Variants in ACAP2 observed in about 807,000 individuals in gnomAD.
The protein encoded by ACAP2 is arf-GAP with coiled-coil, ANK repeat and PH domain-containing protein 2.
Under a neutral mutation model 115.8 loss-of-function variants are expected in ACAP2, and 39 were observed. The observed-to-expected ratio is 0.34, with a 90% CI of 0.26 to 0.44. The LOEUF (loss-of-function observed/expected upper bound fraction) is 0.44, where lower values mean the gene tolerates loss of function less well. Among genes scored for constraint, ACAP2 ranks in the 20% least tolerant of loss-of-function variants. The probability of loss-of-function intolerance (pLI) is 1.00; values close to 1 mark genes in which losing one functional copy is unlikely to be tolerated. For missense variants in ACAP2, 662 were observed against 927.6 expected, an observed-to-expected ratio of 0.71 and a Z score of 3.72; for synonymous variants, 289 against 315.8, an observed-to-expected ratio of 0.92 and a Z score of 0.90.
chr3:195,372,390 C>T (rs543225161), intron 4 of ACAP2, among the ~76,000 whole-genome samples: 74 of 152,276 alleles, frequency 4.9e-4, no homozygotes, highest in Admixed American at 1.6e-3. Context: ...TGCGCTCAAG[C>T]TAACAGCAGA....
chr3:195,314,821 T>C (rs1020235426), intron 10 of ACAP2, among the ~76,000 whole-genome samples: 2 of 152,230 alleles, frequency 1.3e-5, no homozygotes, highest in African/African-American at 4.8e-5. Flanking sequence ...CAAAGTCCAG[T>C]AAAATAAATT....
chr3:195,408,011 G>C (rs1712935899), intron 1 of ACAP2, among the ~76,000 whole-genome samples: 1 of 152,044 alleles, frequency 6.6e-6, no homozygotes, highest in East Asian at 1.9e-4. Flanking sequence ...TTATAAGAGA[G>C]TACTATGAGC....
chr3:195,324,126 G>T (rs560464889), intron 9 of ACAP2, among the ~76,000 whole-genome samples: 1 of 152,218 alleles, frequency 6.6e-6, no homozygotes, highest in South Asian at 2.1e-4. Context: ...TAGGCAACCT[G>T]GTGGGAAAAT....
chr3:195,338,026 G>A (rs892510793), intron 6 of ACAP2, among the ~76,000 whole-genome samples: 2 of 149,424 alleles, frequency 1.3e-5, no homozygotes, highest in Non-Finnish European at 3.0e-5. Flanking sequence ...ATGATGTTCC[G>A]CCCAGATGGG....
At chr3:195,367,902 A>T (rs571451361) in intron 4 of ACAP2, among the ~76,000 whole-genome samples, 1 of 152,352 alleles carries the variant, frequency 6.6e-6, no homozygotes, top group East Asian at 1.9e-4. Context: ...AGCACCAACT[A>T]GAGCAGAAGT....
In ACAP2 at chr3:195,336,663, A is replaced by G. The variant is rs959466979; in HGVS notation, c.573+269T>C. 2.4e-5 allele frequency: 8 copies of G among 332,998 alleles called. No individual in the cohort carries two copies. In the Admixed American group the frequency reaches 3.1e-4, roughly 13 times the overall value. The allele number at this position is 332,998 out of a possible 1,614,324, so 20.6% of individuals were successfully genotyped here. A position where few individuals can be genotyped will look rare whatever the true frequency, so the allele number is the denominator to read the frequency against. On this transcript the variant is annotated intron_variant, in intron 7 of 22. Transcript: ENST00000326793. ...GGGCATCTAGTGCATGTAAAGCAAC[A>G]TATGAGGATAAAAGAAAACAAAAAC...
intron 1 of ACAP2, among the ~76,000 whole-genome samples, chr3:195,440,910 T>C (rs1443664912): frequency 6.6e-6 from 1 of 152,200 alleles, no homozygotes; most frequent in Non-Finnish European, 1.5e-5. Flanking sequence ...AATTGGAATA[T>C]GGGAAACAAC....
intron 10 of ACAP2, among the ~76,000 whole-genome samples, chr3:195,311,909 GAAAT>G (rs1397221795): frequency 6.6e-6 from 1 of 151,748 alleles, no homozygotes; most frequent in East Asian, 1.9e-4. Flanking sequence ...ATCTCAAATT[GAAAT>G]AACTCAATAT....
intron 4 of ACAP2, among the ~76,000 whole-genome samples, chr3:195,375,996 T>C (rs2108739887): frequency 6.6e-6 from 1 of 152,234 alleles, no homozygotes; most frequent in East Asian, 1.9e-4. Context: ...ATCTCTTAAA[T>C]TCTAGGAAAA....
chr3:195,385,481 G>A (rs576844716), intron 2 of ACAP2, among the ~76,000 whole-genome samples: 26 of 151,836 alleles, frequency 1.7e-4, no homozygotes, highest in African/African-American at 6.0e-4. Context: ...GAGGAGGTAA[G>A]GGGCTTGGAA....
In ACAP2 at chr3:195,306,400, C is replaced by G; in HGVS notation, c.1116+111G>C. 7.2e-6 allele frequency: 4 copies of G among 559,012 alleles called. No homozygotes were observed. In the South Asian group the frequency reaches 1.6e-4, roughly 22 times the overall value. 34.6% of individuals were successfully genotyped at this position (559,012 alleles called of 1,614,324 possible). A position where few individuals can be genotyped will look rare whatever the true frequency, so the allele number is the denominator to read the frequency against. ...AGATTTTAAAAATAAAACTCAATTA[C>G]ATAAAATCATCTTCCATAACAAACG... is the stretch of plus-strand genomic sequence containing the variant. On this transcript the variant is annotated intron_variant, in intron 13 of 22. Transcript: ENST00000326793.
At chr3:195,378,691 T>C (rs933479263) in intron 4 of ACAP2, among the ~76,000 whole-genome samples, 1 of 151,674 alleles carries the variant, frequency 6.6e-6, no homozygotes, top group East Asian at 1.9e-4. Context: ...CAAAATCCCA[T>C]CTCTACTAAA....
intron 4 of ACAP2, chr3:195,349,866 T>TG (rs139293746): frequency 0.012 from 3,883 of 312,756 alleles, 151 homozygotes; most frequent in African/African-American, 0.08. Flanking sequence ...AAAACAAAGC[T>TG]GTCTGGAACA....
chr3:195,323,575 T>C (rs932047892), intron 9 of ACAP2, among the ~76,000 whole-genome samples: 1 of 152,166 alleles, frequency 6.6e-6, no homozygotes. Context: ...AATAAAGATA[T>C]TAATTTTGAT....
At chr3:195,346,952 C>T (rs1731226058) in intron 4 of ACAP2, among the ~76,000 whole-genome samples, 1 of 152,064 alleles carries the variant, frequency 6.6e-6, no homozygotes, top group Non-Finnish European at 1.5e-5. Flanking sequence ...GCGATTTCCA[C>T]TGATAGGAGG....
At chr3:195,314,911 A>G (rs1728990017) in intron 10 of ACAP2, among the ~76,000 whole-genome samples, 1 of 152,236 alleles carries the variant, frequency 6.6e-6, no homozygotes, top group African/African-American at 2.4e-5. Flanking sequence ...GCAGAAGAGA[A>G]TTCTAAGTAA....
intron 10 of ACAP2, among the ~76,000 whole-genome samples, chr3:195,311,728 G>C (rs1728782799): frequency 6.6e-6 from 1 of 151,666 alleles, no homozygotes; most frequent in Non-Finnish European, 1.5e-5. Context: ...GTAGAGACGG[G>C]GTTTCGCCAT....
intron 4 of ACAP2, among the ~76,000 whole-genome samples, chr3:195,375,777 C>T (rs1733488510): frequency 6.6e-6 from 1 of 152,182 alleles, no homozygotes; most frequent in Admixed American, 6.5e-5. Flanking sequence ...GATCATGCTA[C>T]TGCCTAGGCA....
intron 1 of ACAP2, among the ~76,000 whole-genome samples, chr3:195,398,330 G>T (rs1007120359): frequency 1.3e-5 from 2 of 152,122 alleles, no homozygotes; most frequent in Non-Finnish European, 2.9e-5. Flanking sequence ...CTGTATATTT[G>T]TTACATAATA....
Sources: gnomAD v4.1 joint callset for allele counts (sites outside exome capture counted in the v4.1 genomes callset) on GRCh38, gnomAD v4.1.1 for gene constraint, MANE v1.5 for transcripts, NCBI Gene and HGNC (gene_info 2026-07-23, HGNC 2026-07-21) for gene names.